The following SSH2 variants were observed in gnomAD, a reference collection of about 807,000 sequenced individuals.
SSH2 encodes slingshot protein phosphatase 2, also known as protein phosphatase Slingshot homolog 2.
A neutral mutation model predicts 135.2 loss-of-function variants in SSH2; 37 were observed. That is an observed-to-expected ratio of 0.27 (90% CI 0.21 to 0.36). SSH2 has a LOEUF of 0.36. Among genes scored for constraint, SSH2 ranks in the 10% least tolerant of loss-of-function variants. The pLI, the probability that SSH2 is intolerant of heterozygous loss-of-function variation, is 1.00. For missense variants in SSH2, 1,408 were observed against 1,765.3 expected (o/e 0.80, Z 3.63); for synonymous variants, 628 against 646.2 (o/e 0.97, Z 0.43).
intron 3 of SSH2, chr17:29,761,332 C>G: frequency 8.9e-7 from 1 of 1,126,542 alleles, no homozygotes; most frequent in Non-Finnish European, 1.1e-6. Flanking sequence ...TGCTCCGGCA[C>G]GAGGCGCAGG....
Position 29,631,994 on chromosome 17 carries a change from C to G in SSH2, c.3200G>C (p.Gly1067Ala), listed in dbSNP as rs767177245. The G allele has an allele frequency of 2.5e-6, 4 of 1,614,076 alleles. No individual in the cohort carries two copies. Among genetic ancestry groups the G allele is most frequent in the Admixed American group, 3.3e-5 (2 of 60,002 alleles). Reference protein sequence around the residue: ...IATSEKSGEQGLRKVNMEKSV... With the variant: ...IATSEKSGEQALRKVNMEKSV... ...TTTTTCCATGTTCACTTTCCTCAGCCCTTGCTCTCCGCTCTTCTCACTGGT... is the reference window on the plus strand; with the variant it reads ...TTTTTCCATGTTCACTTTCCTCAGCGCTTGCTCTCCGCTCTTCTCACTGGT... Residue 1067 changes from glycine (G) to alanine (A), a missense_variant, in exon 16 of 16, where the codon GGG becomes GCG. Transcript: ENST00000540801.
In SSH2 at chr17:29,695,508, T is replaced by C; in HGVS notation, c.308A>G (p.His103Arg). Residue 103 changes from histidine to arginine, a missense_variant, in exon 5 of 16, where the codon CAT becomes CGT. Transcript: ENST00000540801. ...GAGTAAAATGAACATTGCTTGGAGA[T>C]GCTGTTGGAGATCGCCTGGTGAAAT... Reference protein sequence around the residue: ...RNKHAGDLQQHLQAMFILLRP... With the variant: ...RNKHAGDLQQRLQAMFILLRP... The C allele has an allele frequency of 6.2e-7, 1 of 1,612,366 alleles. No individual in the cohort carries two copies.
chr17:29,716,954 G>A (rs776726172), intron 3 of SSH2, among the ~76,000 whole-genome samples: 5 of 152,000 alleles, frequency 3.3e-5, no homozygotes, highest in Admixed American at 6.6e-5. Context: ...AATGTGTACC[G>A]GCAAATCACT....
intron 1 of SSH2, among the ~76,000 whole-genome samples, chr17:29,913,789 C>T (rs940459061): frequency 1.3e-5 from 2 of 151,898 alleles, no homozygotes. Context: ...CAAGCACCAC[C>T]ACGCCGGCCT....
At chr17:29,741,805 G>A (rs187590923) in intron 3 of SSH2, among the ~76,000 whole-genome samples, 101 of 151,844 alleles carry the variant, frequency 6.7e-4, no homozygotes, top group East Asian at 9.7e-4. Flanking sequence ...TGGTAGAGAC[G>A]GGGTTTCACC....
At chr17:29,715,277 G>A (rs1214833189) in intron 3 of SSH2, among the ~76,000 whole-genome samples, 3 of 148,950 alleles carry the variant, frequency 2.0e-5, no homozygotes, top group South Asian at 2.1e-4. Context: ...ATGGAGTCTC[G>A]CTCTGTTGCT....
chr17:29,851,394 C>T (rs2065556236), intron 1 of SSH2, among the ~76,000 whole-genome samples: 1 of 151,908 alleles, frequency 6.6e-6, no homozygotes, highest in Admixed American at 6.6e-5. Context: ...AGTTCAAGAC[C>T]GGCCTGGCCA....
intron 2 of SSH2, among the ~76,000 whole-genome samples, chr17:29,807,261 GT>G (rs1482042365): frequency 1.3e-5 from 2 of 152,098 alleles, no homozygotes; most frequent in Non-Finnish European, 2.9e-5. Context: ...AGTGGCCCAA[GT>G]AAAAAAGAAA....
intron 1 of SSH2, among the ~76,000 whole-genome samples, chr17:29,854,571 T>C (rs2065627855): frequency 6.6e-6 from 1 of 151,748 alleles, no homozygotes; most frequent in African/African-American, 2.4e-5. Context: ...CAAGAACTCA[T>C]GTACTAAGAA....
intron 15 of SSH2, among the ~76,000 whole-genome samples, chr17:29,635,468 A>C (rs1388581966): frequency 6.6e-6 from 1 of 151,570 alleles, no homozygotes; most frequent in Non-Finnish European, 1.5e-5. Context: ...GCAGTGGCAC[A>C]ATCTCGGCTC....
At chr17:29,921,412 C>T (rs2066974245) in intron 1 of SSH2, among the ~76,000 whole-genome samples, 1 of 152,116 alleles carries the variant, frequency 6.6e-6, no homozygotes, top group Non-Finnish European at 1.5e-5. Context: ...ATTGATTCAA[C>T]CTTTCTGCTG....
chr17:29,749,109 A>C (rs1233855696), intron 3 of SSH2, among the ~76,000 whole-genome samples: 1 of 152,208 alleles, frequency 6.6e-6, no homozygotes, highest in African/African-American at 2.4e-5. Context: ...AATAGTAAGA[A>C]ATGGCCTCAG....
intron 1 of SSH2, chr17:29,925,352 A>T (rs1449048378): frequency 2.5e-6 from 1 of 392,374 alleles, no homozygotes; most frequent in African/African-American, 2.1e-5. Context: ...TTTCCATTAG[A>T]CAGGAGGAGT....
intron 5 of SSH2, 35 bp from the exon 6 acceptor site, chr17:29,684,719 T>TTTAGGA: frequency 1.3e-6 from 2 of 1,592,780 alleles, no homozygotes. Flanking sequence ...AATTATGAAA[T>TTTAGGA]TTAGGACATT....
intron 1 of SSH2, among the ~76,000 whole-genome samples, chr17:29,905,949 G>A (rs1387198329): frequency 1.3e-5 from 2 of 152,118 alleles, no homozygotes; most frequent in African/African-American, 2.4e-5. Flanking sequence ...CAAATGACCT[G>A]CCTGCAGAGA....
intron 2 of SSH2, among the ~76,000 whole-genome samples, chr17:29,815,629 G>A (rs79361258): frequency 0.01 from 1,552 of 152,280 alleles, 17 homozygotes; most frequent in African/African-American, 0.033. Flanking sequence ...TCTAACCAAC[G>A]TTTTAAGAGA....
At position 29,650,926 on chromosome 17, in the gene SSH2, A is replaced by G; in HGVS notation, c.1080-126T>C. On this transcript the variant is annotated intron_variant, in intron 12 of 15. Coordinates refer to ENST00000540801, the MANE Select transcript of SSH2 (RefSeq NM_001282129.2). The stretch of plus-strand genomic sequence containing the variant: ...GAAATTAAATACAAAAATAATGAAG[A>G]CAGCTAAAAAACTAAGAGGTTATAT... 4.0e-6 allele frequency: 3 copies of G among 747,904 alleles called. No homozygotes were observed. In the South Asian group the frequency reaches 9.1e-5, roughly 23 times the overall value. The allele number at this position is 747,904 out of a possible 1,614,324, so 46.3% of individuals were successfully genotyped here. A position where few individuals can be genotyped will look rare whatever the true frequency, so the allele number is the denominator to read the frequency against.
intron 1 of SSH2, among the ~76,000 whole-genome samples, chr17:29,881,995 G>T (rs1376363640): frequency 2.6e-5 from 4 of 152,152 alleles, no homozygotes; most frequent in Admixed American, 2.6e-4. Flanking sequence ...TGCATTATTT[G>T]CTTCTTAAGA....
At chr17:29,827,237 C>T (rs1221836590) in intron 2 of SSH2, among the ~76,000 whole-genome samples, 1 of 152,160 alleles carries the variant, frequency 6.6e-6, no homozygotes, top group African/African-American at 2.4e-5. Context: ...GAATGAACTG[C>T]TAACAAATTA....
Sources: gnomAD v4.1 joint callset for allele counts (sites outside exome capture counted in the v4.1 genomes callset) on GRCh38, gnomAD v4.1.1 for gene constraint, MANE v1.5 for transcripts, NCBI Gene and HGNC (gene_info 2026-07-23, HGNC 2026-07-21) for gene names.